Variants in EIF4G3 observed in about 807,000 individuals in gnomAD.
EIF4G3 encodes the protein eIF-4-gamma 3.
A neutral mutation model predicts 186.4 loss-of-function variants in EIF4G3; 34 were observed. The observed-to-expected ratio is 0.18, with a 90% CI of 0.14 to 0.24. The LOEUF (loss-of-function observed/expected upper bound fraction) is 0.24, where lower values mean the gene tolerates loss of function less well. Among genes scored for constraint, EIF4G3 ranks in the 10% least tolerant of loss-of-function variants. EIF4G3 has a pLI of 1.00. For synonymous variants in EIF4G3, 673 were observed against 679.5 expected, an observed-to-expected ratio of 0.99 and a Z score of 0.15; for missense variants, 1,536 against 1,948.5, an observed-to-expected ratio of 0.79 and a Z score of 3.99.
At chr1:21,082,962 T>C (rs2095837755) in intron 3 of EIF4G3, among the ~76,000 whole-genome samples, 1 of 133,208 alleles carries the variant, frequency 7.5e-6, no homozygotes, top group African/African-American at 3.0e-5. Context: ...GGCATGAACC[T>C]GGGAGGGGGA....
chr1:20,844,555 T>C (rs562255306), intron 29 of EIF4G3, among the ~76,000 whole-genome samples: 3 of 152,216 alleles, frequency 2.0e-5, no homozygotes, highest in African/African-American at 7.2e-5. Context: ...AAGACCTTTG[T>C]CGGGGGCCGG....
chr1:20,893,525 C>G lies in EIF4G3; in HGVS notation c.2245G>C (p.Gly749Arg). ...DFGRQTPGGR[G>R]VPLLNVGSRR... ...AGGGAACTTGCACTTACAGGTACGC[C>G]TCTTCCACCAGGTGTCTGCCTTCCA... The change falls in exon 18 of 37, where the codon GGC (glycine) becomes CGC (arginine). Residue 749 changes from glycine to arginine, a missense_variant. Coordinates refer to ENST00000602326, the MANE Select transcript of EIF4G3 (RefSeq NM_001391906.1). The G allele has an allele frequency of 6.3e-7, 1 of 1,599,062 alleles. No homozygotes were observed. Among genetic ancestry groups the G allele is most frequent in the South Asian group, 1.1e-5 (1 of 89,726 alleles).
intron 20 of EIF4G3, among the ~76,000 whole-genome samples, chr1:20,878,392 A>G (rs999125482): frequency 5.3e-5 from 8 of 152,194 alleles, no homozygotes; most frequent in Non-Finnish European, 8.8e-5. Context: ...CGGTCTAACC[A>G]TCCATTCAGG....
chr1:21,146,994 G>A (rs1240398840), intron 2 of EIF4G3, among the ~76,000 whole-genome samples: 2 of 152,050 alleles, frequency 1.3e-5, no homozygotes, highest in East Asian at 3.9e-4. Context: ...GCGGGTCAGT[G>A]GCTCCCGCTT....
At chr1:20,915,258 C>CG (rs2093730960) in intron 14 of EIF4G3, among the ~76,000 whole-genome samples, 1 of 152,060 alleles carries the variant, frequency 6.6e-6, no homozygotes, top group Non-Finnish European at 1.5e-5. Context: ...TCTTTTTTAT[C>CG]TGTTAGAGAC....
intron 2 of EIF4G3, among the ~76,000 whole-genome samples, chr1:21,158,036 T>C (rs367598005): frequency 6.6e-6 from 1 of 152,198 alleles, no homozygotes; most frequent in Non-Finnish European, 1.5e-5. Flanking sequence ...TTTCTCACAA[T>C]TGTCCTTATC....
intron 14 of EIF4G3, among the ~76,000 whole-genome samples, chr1:20,921,188 T>C (rs2094470735): frequency 6.6e-6 from 1 of 152,184 alleles, no homozygotes; most frequent in African/African-American, 2.4e-5. Context: ...AATACCTATT[T>C]TGTGCAGAGA....
chr1:21,009,629 T>TGTC (rs1345802347), intron 4 of EIF4G3, among the ~76,000 whole-genome samples: 1 of 149,358 alleles, frequency 6.7e-6, no homozygotes, highest in Non-Finnish European at 1.5e-5. Flanking sequence ...TCTTGAGAAC[T>TGTC]GTCTTCTTCT....
In EIF4G3 at chr1:21,176,249, CGCCGCCGCCGCCGCCGCTGCT is replaced by C. The variant is rs2098103763; in HGVS notation, c.-367_-347del. The C allele has an allele frequency of 5.3e-6, 2 of 376,582 alleles. No homozygotes were observed. Among genetic ancestry groups the C allele is most frequent in the East Asian group, 4.4e-5 (1 of 22,570 alleles). The allele number at this position is 376,582 out of a possible 1,614,324, so 23.3% of individuals were successfully genotyped here. On this transcript the variant is annotated 5_prime_UTR_variant, in exon 2 of 37. Transcript: ENST00000602326. ...GGACCGCTGCCGCCGCCGCCGCCGC[CGCCGCCGCCGCCGCCGCTGCT>C]GCCGCCGCCGGGTGAGGAGGCGGTA...
intron 34 of EIF4G3, among the ~76,000 whole-genome samples, chr1:20,816,431 C>A (rs2060931659): frequency 8.0e-6 from 1 of 124,624 alleles, no homozygotes; most frequent in Admixed American, 7.5e-5. Context: ...CTCTGCCCGG[C>A]CGCCCCTACT....
In EIF4G3 at chr1:21,001,975, T is replaced by A. The variant is rs534272660; in HGVS notation, c.31-663A>T. ...CAGAGCTGAGGTACAAAGAGGGATG[T>A]GAGATACACAATGTGAGATGTTACA... On this transcript the variant is annotated intron_variant, in intron 5 of 36. Transcript: ENST00000602326. Among the ~76,000 whole-genome samples the A allele has an allele frequency of 4.6e-5, 7 of 152,260 alleles. No homozygotes were observed. The East Asian group carries it at 9.7e-4, about 21-fold the overall frequency.
At chr1:21,106,292 G>A (rs968778016) in intron 2 of EIF4G3, among the ~76,000 whole-genome samples, 3 of 152,060 alleles carry the variant, frequency 2.0e-5, no homozygotes, top group African/African-American at 7.2e-5. Context: ...AGAAGGGTAA[G>A]AGAGGAAAGA....
At chr1:20,926,594 G>C (rs943912321) in intron 14 of EIF4G3, among the ~76,000 whole-genome samples, 1 of 151,592 alleles carries the variant, frequency 6.6e-6, no homozygotes, top group South Asian at 2.1e-4. Flanking sequence ...CTGAGACCAG[G>C]AGGTCAACTC....
chr1:21,172,956 C>A (rs1393103395), intron 2 of EIF4G3, among the ~76,000 whole-genome samples: 7 of 150,358 alleles, frequency 4.7e-5, no homozygotes, highest in Non-Finnish European at 7.4e-5. Flanking sequence ...CTGGCCAACA[C>A]AGTGAAACCC....
chr1:20,840,747 A>C, intron 30 of EIF4G3, 109 bp downstream of exon 30: 4 of 1,024,580 alleles, frequency 3.9e-6, no homozygotes, highest in Non-Finnish European at 5.7e-6. Context: ...CAGTGGATAC[A>C]ATTTTCATCT....
Position 21,159,782 on chromosome 1 carries a change from C to T in EIF4G3, c.-272+16393G>A, listed in dbSNP as rs539205511. Among the ~76,000 whole-genome samples, 65 of 151,838 alleles carry T rather than the reference C, an allele frequency of 4.3e-4. 1 individual carries two copies. Among genetic ancestry groups the T allele is most frequent in the African/African-American group, 1.4e-3 (57 of 41,420 alleles). On this transcript the variant is annotated intron_variant, in intron 2 of 36. Transcript: ENST00000602326. ...GGGAGTTTGAGACCAGCCTGGGCAA[C>T]ACAGTAAGACTATCTCTACAAAAAA... is the stretch of plus-strand genomic sequence containing the variant.
At chr1:21,139,519 C>A (rs2102630288) in intron 2 of EIF4G3, among the ~76,000 whole-genome samples, 1 of 152,244 alleles carries the variant, frequency 6.6e-6, no homozygotes, top group East Asian at 1.9e-4. Flanking sequence ...ATGCTGGTAA[C>A]TCAAAGCTTT....
At position 20,993,224 on chromosome 1, in the gene EIF4G3, G is replaced by T. The variant is rs192563055; in HGVS notation, c.177+4377C>A. ...GAGCATGGCGCACTTGATTTGTGGG[G>T]ACTCAAAAAGAGCTCTAGCCCTCCA... On this transcript the variant is annotated intron_variant, in intron 7 of 36. Transcript: ENST00000602326. 1.7e-4 allele frequency among the ~76,000 whole-genome samples: 26 copies of T among 152,208 alleles called. No individual in the cohort carries two copies. The East Asian group carries it at 4.6e-3, about 27-fold the overall frequency.
intron 29 of EIF4G3, among the ~76,000 whole-genome samples, chr1:20,843,076 T>C (rs1184080918): frequency 6.6e-6 from 1 of 152,076 alleles, no homozygotes; most frequent in East Asian, 1.9e-4. Flanking sequence ...TGGGCTCAAG[T>C]GATCCTCTAG....
Sources: allele counts gnomAD v4.1 joint callset (sites outside exome capture counted in the v4.1 genomes callset), GRCh38; gene constraint gnomAD v4.1.1; transcripts MANE v1.5; gene names NCBI Gene and HGNC (gene_info 2026-07-23, HGNC 2026-07-21).